The following LRRTM4 variants were observed in gnomAD, a reference collection of about 807,000 sequenced individuals.
LRRTM4 encodes leucine-rich repeat transmembrane neuronal protein 4.
LRRTM4 carries 25 observed loss-of-function variants against 47.6 expected under a neutral mutation model. The ratio of observed to expected loss-of-function variants is 0.53; its 90% confidence interval spans 0.38 to 0.73. The LOEUF (loss-of-function observed/expected upper bound fraction) is 0.73, where lower values mean the gene tolerates loss of function less well. Among genes scored for constraint, LRRTM4 ranks in the 30% least tolerant of loss-of-function variants. The pLI is 0.00. For missense variants in LRRTM4, 638 were observed against 713.4 expected, an observed-to-expected ratio of 0.89 and a Z score of 1.20; for synonymous variants, 311 against 269.5, an observed-to-expected ratio of 1.15 and a Z score of -1.51.
At chr2:77,031,858 G>T (rs959335669) in intron 3 of LRRTM4, among the ~76,000 whole-genome samples, 1 of 152,048 alleles carries the variant, frequency 6.6e-6, no homozygotes, top group Non-Finnish European at 1.5e-5. Flanking sequence ...TACTTGACAC[G>T]TCTTCCTGAA....
chr2:77,392,746 A>C (rs990105718), intron 3 of LRRTM4, among the ~76,000 whole-genome samples: 2 of 152,142 alleles, frequency 1.3e-5, no homozygotes, highest in African/African-American at 4.8e-5. Context: ...GATACTCCTC[A>C]AAGGACACAA....
At chr2:77,074,081 G>A (rs1300878033) in intron 3 of LRRTM4, among the ~76,000 whole-genome samples, 2 of 151,980 alleles carry the variant, frequency 1.3e-5, no homozygotes, top group Admixed American at 6.6e-5. Flanking sequence ...ATATTGCATA[G>A]TGATATTTTA....
chr2:76,889,937 C>T (rs1673198284), intron 3 of LRRTM4, among the ~76,000 whole-genome samples: 1 of 151,902 alleles, frequency 6.6e-6, no homozygotes, highest in Non-Finnish European at 1.5e-5. Context: ...CTGTTTATCT[C>T]AGGACACTCT....
intron 3 of LRRTM4, among the ~76,000 whole-genome samples, chr2:77,087,956 T>A (rs1014093364): frequency 3.5e-4 from 54 of 152,162 alleles, no homozygotes; most frequent in African/African-American, 1.1e-3. Flanking sequence ...TCATATGCTA[T>A]CCCTTTATTG....
At chr2:77,120,917 C>T (rs1435068002) in intron 3 of LRRTM4, among the ~76,000 whole-genome samples, 1 of 151,690 alleles carries the variant, frequency 6.6e-6, no homozygotes, top group East Asian at 1.9e-4. Flanking sequence ...ATACAGCAGT[C>T]TACAGTCATT....
At chr2:76,915,061 T>G (rs113013795) in intron 3 of LRRTM4, among the ~76,000 whole-genome samples, 4,143 of 152,268 alleles carry the variant, frequency 0.027, 86 homozygotes, top group Non-Finnish European at 0.041. Context: ...ATTTTAGAAA[T>G]CTTTGAAAAC....
intron 3 of LRRTM4, among the ~76,000 whole-genome samples, chr2:77,250,352 C>G (rs1227214466): frequency 2.6e-5 from 4 of 151,992 alleles, no homozygotes; most frequent in African/African-American, 9.7e-5. Context: ...TCCGTTGTAA[C>G]AAATATACTA....
intron 3 of LRRTM4, among the ~76,000 whole-genome samples, chr2:77,214,639 C>A (rs1353073680): frequency 6.6e-6 from 1 of 151,626 alleles, no homozygotes; most frequent in Non-Finnish European, 1.5e-5. Flanking sequence ...ATTATTAAAC[C>A]TTTCCTTAAG....
intron 3 of LRRTM4, among the ~76,000 whole-genome samples, chr2:77,139,523 A>G (rs1326428728): frequency 6.6e-6 from 1 of 152,196 alleles, no homozygotes; most frequent in Non-Finnish European, 1.5e-5. Flanking sequence ...CCAATATCAT[A>G]CTGAATGGGC....
intron 3 of LRRTM4, among the ~76,000 whole-genome samples, chr2:77,348,140 A>C (rs1671636070): frequency 6.6e-6 from 1 of 151,934 alleles, no homozygotes; most frequent in Non-Finnish European, 1.5e-5. Flanking sequence ...GTCAAAACCT[A>C]TCTGAGTGGT....
rs74645068 is a variant in LRRTM4 at position 77,211,616 on chromosome 2, G to A, written c.1551+306702C>T. 4.6e-5 allele frequency among the ~76,000 whole-genome samples: 7 copies of A among 152,138 alleles called. No homozygotes were observed. In the East Asian group the frequency reaches 1.4e-3, roughly 29 times the overall value. On this transcript the variant is annotated intron_variant, in intron 3 of 3. Coordinates refer to ENST00000409884, the MANE Select transcript of LRRTM4 (RefSeq NM_001134745.3). ...AGTTTCAGTTATTATTATGACAATG[G>A]TTGTTGTAAGCCTATCACTACCCTT...
At chr2:77,335,328 C>T (rs1038456484) in intron 3 of LRRTM4, among the ~76,000 whole-genome samples, 2 of 152,096 alleles carry the variant, frequency 1.3e-5, no homozygotes, top group Non-Finnish European at 2.9e-5. Context: ...TCTATTTCAC[C>T]TACCCTTCCT....
intron 3 of LRRTM4, among the ~76,000 whole-genome samples, chr2:77,323,127 C>T (rs1670606298): frequency 6.6e-6 from 1 of 152,084 alleles, no homozygotes; most frequent in Non-Finnish European, 1.5e-5. Flanking sequence ...TGCTTCTATT[C>T]CTCTTGCTCC....
chr2:76,898,268 CA>C (rs140970663), intron 3 of LRRTM4, among the ~76,000 whole-genome samples: 4,044 of 152,104 alleles, frequency 0.027, 182 homozygotes, highest in African/African-American at 0.093. Context: ...TAACAATTAG[CA>C]ATTTTAAATG....
chr2:77,250,593 T>A (rs1268350829), intron 3 of LRRTM4, among the ~76,000 whole-genome samples: 2 of 152,186 alleles, frequency 1.3e-5, no homozygotes, highest in Non-Finnish European at 2.9e-5. Flanking sequence ...TCATAAATAT[T>A]TAAATGTACA....
intron 3 of LRRTM4, among the ~76,000 whole-genome samples, chr2:77,032,986 C>T (rs1678714674): frequency 6.6e-6 from 1 of 152,006 alleles, no homozygotes; most frequent in Admixed American, 6.6e-5. Flanking sequence ...TATTTTATAA[C>T]TGTGTTTTAA....
At chr2:76,778,873 T>G (rs1198171294) in intron 3 of LRRTM4, among the ~76,000 whole-genome samples, 1 of 151,894 alleles carries the variant, frequency 6.6e-6, no homozygotes, top group Non-Finnish European at 1.5e-5. Context: ...TTTTGGATCT[T>G]TCCTGCTTTC....
At chr2:77,293,183 T>C (rs1333363898) in intron 3 of LRRTM4, among the ~76,000 whole-genome samples, 1 of 152,058 alleles carries the variant, frequency 6.6e-6, no homozygotes, top group Non-Finnish European at 1.5e-5. Flanking sequence ...AATATGAAAC[T>C]AAGGACTTTT....
At chr2:77,136,629 T>G (rs1671952055) in intron 3 of LRRTM4, among the ~76,000 whole-genome samples, 1 of 152,196 alleles carries the variant, frequency 6.6e-6, no homozygotes, top group Admixed American at 6.5e-5. Context: ...GGATAGAGAA[T>G]GACTTTTATG....
Sources: gnomAD v4.1 joint callset for allele counts (sites outside exome capture counted in the v4.1 genomes callset) on GRCh38, gnomAD v4.1.1 for gene constraint, MANE v1.5 for transcripts, NCBI Gene and HGNC (gene_info 2026-07-23, HGNC 2026-07-21) for gene names.